The following SWAP70 variants were observed in gnomAD, a reference collection of about 807,000 sequenced individuals.
The protein encoded by SWAP70 is switching B cell complex subunit SWAP70.
A neutral mutation model predicts 80.2 loss-of-function variants in SWAP70; 34 were observed. That is an observed-to-expected ratio of 0.42 (90% CI 0.32 to 0.56). The LOEUF is 0.56. SWAP70 is among the 20% of genes least tolerant of loss of function. SWAP70 has a pLI of 0.09. For synonymous variants in SWAP70, 239 were observed against 238.5 expected (o/e 1.00, Z -0.02); for missense variants, 578 against 690.7 (o/e 0.84, Z 1.83).
At chr11:9,696,765 A>G (rs1036178432) in intron 2 of SWAP70, among the ~76,000 whole-genome samples, 1 of 152,150 alleles carries the variant, frequency 6.6e-6, no homozygotes, top group Non-Finnish European at 1.5e-5. Context: ...CCTTTTGCCT[A>G]TTTATAACAC....
At chr11:9,749,471 C>A (rs1240480029) in intron 11 of SWAP70, among the ~76,000 whole-genome samples, 1 of 152,186 alleles carries the variant, frequency 6.6e-6, no homozygotes. Context: ...TGGTCTTGAT[C>A]TCCTGACCTC....
intron 3 of SWAP70, among the ~76,000 whole-genome samples, chr11:9,715,743 C>G (rs1286859663): frequency 1.3e-5 from 2 of 152,156 alleles, no homozygotes; most frequent in East Asian, 1.9e-4. Flanking sequence ...AGACCTGCCC[C>G]CATGATTCAG....
chr11:9,706,454 G>A (rs1451157016), intron 2 of SWAP70, among the ~76,000 whole-genome samples: 1 of 151,810 alleles, frequency 6.6e-6, no homozygotes, highest in African/African-American at 2.4e-5. Flanking sequence ...AATATTTGTA[G>A]GATATATGAA....
At position 9,751,234 on chromosome 11, in the gene SWAP70, CTTTTCTGCT is replaced by C. The variant is rs1360036838; in HGVS notation, c.*1270_*1278del. 1 of 152,198 alleles carries C rather than the reference CTTTTCTGCT, an allele frequency of 6.6e-6. No homozygotes were observed. Among genetic ancestry groups the C allele is most frequent in the Middle Eastern group, 3.2e-3 (1 of 316 alleles). The allele number at this position is 152,198 out of a possible 1,614,324, so 9.4% of individuals were successfully genotyped here. ...ATGTTAGCCTTTGTTAGGTGGGCAG[CTTTTCTGCT>C]TTTTCCCTTCCTCTGTGGTGACAAC... On this transcript the variant is annotated 3_prime_UTR_variant, in exon 12 of 12. Transcript: ENST00000318950.
At chr11:9,720,877 G>A (rs1259048056) in intron 3 of SWAP70, among the ~76,000 whole-genome samples, 5 of 151,970 alleles carry the variant, frequency 3.3e-5, no homozygotes, top group Admixed American at 6.6e-5. Flanking sequence ...GCACAGTGGC[G>A]CGATCTTGGC....
intron 1 of SWAP70, among the ~76,000 whole-genome samples, chr11:9,669,082 T>C (rs1191358700): frequency 6.6e-6 from 1 of 152,088 alleles, no homozygotes; most frequent in Non-Finnish European, 1.5e-5. Context: ...TTAAAGATAC[T>C]GAGTGTGACA....
chr11:9,731,542 A>G (rs1349743010), intron 6 of SWAP70, among the ~76,000 whole-genome samples: 1 of 152,214 alleles, frequency 6.6e-6, no homozygotes, highest in Non-Finnish European at 1.5e-5. Flanking sequence ...TGAATAAGTT[A>G]TGGTTTAGCT....
chr11:9,751,959 G>T lies in SWAP70; in HGVS notation c.*1989G>T, dbSNP rs1318019231. Reference sequence around the variant, plus strand: ...TATCATTTTATTCAGTAGCTGGCAGGTGTATTAGACCAACGAGACTTAGGT... The same window carrying T: ...TATCATTTTATTCAGTAGCTGGCAGTTGTATTAGACCAACGAGACTTAGGT... On this transcript the variant is annotated 3_prime_UTR_variant, in exon 12 of 12. Transcript: ENST00000318950. 3 of 152,200 alleles carry T rather than the reference G, an allele frequency of 2.0e-5. No individual in the cohort carries two copies. Among genetic ancestry groups the T allele is most frequent in the Non-Finnish European group, 2.9e-5 (2 of 68,032 alleles). The allele number at this position is 152,200 out of a possible 1,614,324, so 9.4% of individuals were successfully genotyped here. A position where few individuals can be genotyped will look rare whatever the true frequency, so the allele number is the denominator to read the frequency against.
intron 4 of SWAP70, among the ~76,000 whole-genome samples, chr11:9,726,031 T>A (rs1220814712): frequency 6.6e-6 from 1 of 151,856 alleles, no homozygotes; most frequent in African/African-American, 2.4e-5. Context: ...AGGAAGGTGC[T>A]TGCTAAAATG....
chr11:9,694,345 C>T, intron 2 of SWAP70, 59 bp downstream of exon 2: 1 of 1,506,846 alleles, frequency 6.6e-7, no homozygotes, highest in Non-Finnish European at 8.9e-7. Context: ...TTCAAGTGGG[C>T]CCAAAAGCCC....
At chr11:9,678,326 T>A (rs1046127306) in intron 1 of SWAP70, among the ~76,000 whole-genome samples, 1 of 152,062 alleles carries the variant, frequency 6.6e-6, no homozygotes, top group Non-Finnish European at 1.5e-5. Context: ...TATGTAGATA[T>A]CACCAAAATA....
intron 1 of SWAP70, among the ~76,000 whole-genome samples, chr11:9,682,250 C>T (rs1436438207): frequency 1.3e-5 from 2 of 152,164 alleles, no homozygotes; most frequent in African/African-American, 4.8e-5. Context: ...CAGAGCGGCT[C>T]ACGCAGTAGA....
At chr11:9,696,871 A>G (rs982566559) in intron 2 of SWAP70, among the ~76,000 whole-genome samples, 2 of 152,130 alleles carry the variant, frequency 1.3e-5, no homozygotes, top group African/African-American at 2.4e-5. Flanking sequence ...GTATATTTCA[A>G]TAATGCCTTT....
intron 7 of SWAP70, among the ~76,000 whole-genome samples, chr11:9,736,675 T>A (rs907490252): frequency 6.6e-6 from 1 of 152,156 alleles, no homozygotes; most frequent in Non-Finnish European, 1.5e-5. Flanking sequence ...GGGCTCTCTT[T>A]GAGTGTCTTT....
At chr11:9,706,418 A>G (rs1850916085) in intron 2 of SWAP70, among the ~76,000 whole-genome samples, 1 of 151,856 alleles carries the variant, frequency 6.6e-6, no homozygotes, top group African/African-American at 2.4e-5. Context: ...CTTTTTGTTT[A>G]TTTTATAATA....
Position 9,734,784 on chromosome 11 carries a change from G to A in SWAP70, c.1080+2074G>A, listed in dbSNP as rs887018742. ...ACTACAGGTGTGCACCACCATACCT[G>A]GCTAATTTTTTTGTATTTTTAATAG... On this transcript the variant is annotated intron_variant, in intron 7 of 11. Transcript: ENST00000318950. 2.6e-5 allele frequency among the ~76,000 whole-genome samples: 4 copies of A among 151,434 alleles called. No individual in the cohort carries two copies. The South Asian group carries it at 6.2e-4, about 24-fold the overall frequency.
chr11:9,714,804 G>C (rs1035412308), intron 3 of SWAP70, among the ~76,000 whole-genome samples: 3 of 127,950 alleles, frequency 2.3e-5, no homozygotes, highest in Admixed American at 1.6e-4. Flanking sequence ...AAGCCAAAAG[G>C]GGATTTTTTT....
chr11:9,688,895 G>A (rs111335945), intron 1 of SWAP70, among the ~76,000 whole-genome samples: 213 of 152,238 alleles, frequency 1.4e-3, no homozygotes, highest in African/African-American at 5.0e-3. Flanking sequence ...TTTAAGGCAG[G>A]GCATAGCTGT....
intron 2 of SWAP70, among the ~76,000 whole-genome samples, chr11:9,704,181 G>C (rs1432606320): frequency 1.3e-5 from 2 of 151,986 alleles, no homozygotes; most frequent in African/African-American, 4.8e-5. Context: ...TCTGTTTACT[G>C]TCTATATAGA....
Sources: allele counts gnomAD v4.1 joint callset (sites outside exome capture counted in the v4.1 genomes callset), GRCh38; gene constraint gnomAD v4.1.1; transcripts MANE v1.5; gene names NCBI Gene and HGNC (gene_info 2026-07-23, HGNC 2026-07-21).